TTC22: variants seen among roughly 807,000 people sequenced by gnomAD.
The protein encoded by TTC22 is tetratricopeptide repeat domain 22.
TTC22 carries 42 observed loss-of-function variants against 48.2 expected under a neutral mutation model. The ratio of observed to expected loss-of-function variants is 0.87; its 90% CI spans 0.68 to 1.13. The LOEUF is 1.13. TTC22 is among the 50% of genes most tolerant of loss of function. The pLI is 0.00. For synonymous variants in TTC22, 345 were observed against 365.5 expected (o/e 0.94, Z 0.64); for missense variants, 784 against 807.0 (o/e 0.97, Z 0.34).
chr1:54,785,987 G>C lies in TTC22; in HGVS notation c.1016C>G (p.Ala339Gly). Residue 339 changes from alanine to glycine, a missense_variant, in exon 5 of 7, where the codon GCC becomes GGC. Physicochemically the swap from Ala to Gly is moderately conservative, Grantham distance 60 (BLOSUM62 0). Transcript: ENST00000371276. ...ELNWQAYCTR[A>G]KIHIRAYLHD... Reference sequence around the variant, plus strand: ...TGGGGCAGGAAGTTGACCCACCTTGGCCCTTGTGCAGTACGCCTGCCAGTT... The same window carrying C: ...TGGGGCAGGAAGTTGACCCACCTTGCCCCTTGTGCAGTACGCCTGCCAGTT... 1 of 1,613,164 alleles carries C rather than the reference G, an allele frequency of 6.2e-7. No homozygotes were observed. Among genetic ancestry groups the C allele is most frequent in the Non-Finnish European group, 8.5e-7 (1 of 1,179,662 alleles).
At chr1:54,788,988 GC>G (rs1646329376) in intron 1 of TTC22, among the ~76,000 whole-genome samples, 2 of 152,218 alleles carry the variant, frequency 1.3e-5, no homozygotes, top group African/African-American at 4.8e-5. Context: ...GCCACTCAGT[GC>G]CTGCATGTGC....
intron 1 of TTC22, 120 bp downstream of exon 1, chr1:54,800,477 G>A: frequency 1.1e-6 from 1 of 932,372 alleles, no homozygotes; most frequent in Admixed American, 3.9e-5. Context: ...AGGCATTTGG[G>A]AGGCCAAAAG....
Position 54,780,911 on chromosome 1 carries a change from G to T in TTC22, c.*332C>A, listed in dbSNP as rs1032719549. The stretch of plus-strand genomic sequence containing the variant: ...CCGGACTAGAAAACTGCCACACTGA[G>T]GTAGCTGTCTTCTGTTTCTCTCAGA... On this transcript the variant is annotated 3_prime_UTR_variant, in exon 7 of 7. Transcript: ENST00000371276. 1 of 218,830 alleles carries T rather than the reference G, an allele frequency of 4.6e-6. No individual in the cohort carries two copies. Among genetic ancestry groups the T allele is most frequent in the Non-Finnish European group, 9.0e-6 (1 of 111,630 alleles). 13.6% of individuals were successfully genotyped at this position (218,830 alleles called of 1,614,324 possible). A position where few individuals can be genotyped will look rare whatever the true frequency, so the allele number is the denominator to read the frequency against.
In TTC22 at chr1:54,801,215, G is replaced by T; in HGVS notation, c.-52C>A. ...CACCCTTGTCCCTGAGGCTGTGGAG[G>T]GCAGTGGATGGGGGCGTTCCCCGAG... On this transcript the variant is annotated 5_prime_UTR_variant, in exon 1 of 7. Coordinates refer to ENST00000371276, the MANE Select transcript of TTC22 (RefSeq NM_001114108.2). 1 of 1,565,246 alleles carries T rather than the reference G, an allele frequency of 6.4e-7. No homozygotes were observed.
At chr1:54,799,336 T>A (rs1264806878) in intron 1 of TTC22, among the ~76,000 whole-genome samples, 1 of 152,198 alleles carries the variant, frequency 6.6e-6, no homozygotes, top group Non-Finnish European at 1.5e-5. Context: ...TAGCTACCCC[T>A]GAATCACTGC....
chr1:54,800,293 G>A (rs1646422959), intron 1 of TTC22, among the ~76,000 whole-genome samples: 1 of 152,194 alleles, frequency 6.6e-6, no homozygotes, highest in Admixed American at 6.5e-5. Flanking sequence ...GTGTGCACAG[G>A]CGCAGGAACA....
chr1:54,799,232 G>T (rs1403240627), intron 1 of TTC22, among the ~76,000 whole-genome samples: 2 of 152,132 alleles, frequency 1.3e-5, no homozygotes, highest in Non-Finnish European at 2.9e-5. Context: ...TGGAGTGCTG[G>T]GCACCCTGCT....
chr1:54,788,689 C>G (rs1458984087), intron 1 of TTC22, among the ~76,000 whole-genome samples: 1 of 152,206 alleles, frequency 6.6e-6, no homozygotes, highest in African/African-American at 2.4e-5. Flanking sequence ...ATCAGCAGCT[C>G]TCCCTCAGGC....
At chr1:54,786,236 G>A (rs1273725258) in intron 4 of TTC22, 92 bp from the exon 5 acceptor site, 1 of 1,194,390 alleles carries the variant, frequency 8.4e-7, no homozygotes, top group African/African-American at 1.5e-5. Flanking sequence ...CCCCATCTTT[G>A]GATACAGCCG....
chr1:54,795,417 G>C (rs1646383245), intron 1 of TTC22, among the ~76,000 whole-genome samples: 1 of 152,186 alleles, frequency 6.6e-6, no homozygotes, highest in South Asian at 2.1e-4. Flanking sequence ...CTGGTCCTAG[G>C]TCTGTCATGC....
chr1:54,796,266 C>T (rs1384985660), intron 1 of TTC22, among the ~76,000 whole-genome samples: 3 of 152,268 alleles, frequency 2.0e-5, no homozygotes, highest in African/African-American at 7.2e-5. Context: ...CTCTCTTGGG[C>T]CTTCCCGCCA....
In TTC22 at chr1:54,781,498, C is replaced by G; in HGVS notation, c.1455G>C (p.Gln485His). 2 of 1,499,228 alleles carry G rather than the reference C, an allele frequency of 1.3e-6. No individual in the cohort carries two copies. Among genetic ancestry groups the G allele is most frequent in the Non-Finnish European group, 1.8e-6 (2 of 1,132,160 alleles). The allele number at this position is 1,499,228 out of a possible 1,614,324, so 92.9% of individuals were successfully genotyped here. ...CCAGCTCCCCGTCGCTCAGCTGTGCCTGGCTCCACTGCGCCAGCAGCGCCT... is the reference window on the plus strand; with the variant it reads ...CCAGCTCCCCGTCGCTCAGCTGTGCGTGGCTCCACTGCGCCAGCAGCGCCT... ...LLEALLAQWS[Q>H]AQLSDGELGR... Residue 485 changes from glutamine to histidine, a missense_variant, in exon 7 of 7, where the codon CAG becomes CAC. Gln to His is a conservative substitution (Grantham distance 24). Transcript: ENST00000371276.
At chr1:54,788,122 A>T (rs767941338) in intron 1 of TTC22, 25 bp from the exon 2 acceptor site, 1 of 1,609,610 alleles carries the variant, frequency 6.2e-7, no homozygotes, top group African/African-American at 1.3e-5. Flanking sequence ...AACAGCCCAC[A>T]CTGCCATTAC....
In TTC22 at chr1:54,786,857, G is replaced by A. The variant is rs111759845; in HGVS notation, c.858+100C>T. ...GTGTACTTCCTGGGTGGGCCACGCG[G>A]TGGGGGTTGATACCCAGAGAAGCCT... is the stretch of plus-strand genomic sequence containing the variant. On this transcript the variant is annotated intron_variant, in intron 4 of 6. Coordinates refer to ENST00000371276, the MANE Select transcript of TTC22 (RefSeq NM_001114108.2). The A allele has an allele frequency of 2.1e-3, 1,115 of 539,266 alleles. 5 individuals are homozygous for A. Among genetic ancestry groups the A allele is most frequent in the African/African-American group, 0.02 (1,023 of 51,858 alleles). The allele number at this position is 539,266 out of a possible 1,614,324, so 33.4% of individuals were successfully genotyped here.
At position 54,783,960 on chromosome 1, in the gene TTC22, C is replaced by T. The variant is rs146123713; in HGVS notation, c.1021-1483G>A. 1.7e-3 allele frequency among the ~76,000 whole-genome samples: 257 copies of T among 152,316 alleles called. 2 individuals carry two copies. Among genetic ancestry groups the T allele is most frequent in the African/African-American group, 5.9e-3 (245 of 41,562 alleles). On this transcript the variant is annotated intron_variant, in intron 5 of 6. Coordinates refer to ENST00000371276, the MANE Select transcript of TTC22 (RefSeq NM_001114108.2). ...AAGGCTGCAGTGGGCCGTGATCATG[C>T]CACTCCACTCCAGCCTGGGTGACAG...
At chr1:54,796,446 C>T (rs1419991014) in intron 1 of TTC22, among the ~76,000 whole-genome samples, 3 of 152,066 alleles carry the variant, frequency 2.0e-5, no homozygotes, top group Non-Finnish European at 2.9e-5. Context: ...CTGTTATGCC[C>T]GGGGTGCAAG....
intron 1 of TTC22, among the ~76,000 whole-genome samples, chr1:54,799,793 G>A (rs1462523288): frequency 6.6e-6 from 1 of 152,224 alleles, no homozygotes; most frequent in Non-Finnish European, 1.5e-5. Flanking sequence ...GCTCATCCCT[G>A]TGCAGGCTCT....
chr1:54,798,824 C>G (rs1394620166), intron 1 of TTC22, among the ~76,000 whole-genome samples: 1 of 152,130 alleles, frequency 6.6e-6, no homozygotes, highest in African/African-American at 2.4e-5. Flanking sequence ...TTGCATAATC[C>G]CAATAAACCT....
intron 3 of TTC22, 78 bp from the exon 4 acceptor site, chr1:54,787,153 G>A (rs748949617): frequency 2.8e-6 from 2 of 721,120 alleles, no homozygotes; most frequent in Non-Finnish European, 4.4e-6. Context: ...CATCCTAGGT[G>A]TCACCCATGA....
Sources: allele counts gnomAD v4.1 joint callset (sites outside exome capture counted in the v4.1 genomes callset), GRCh38; gene constraint gnomAD v4.1.1; transcripts MANE v1.5; gene names NCBI Gene and HGNC (gene_info 2026-07-23, HGNC 2026-07-21).